Variants in KIAA1671 observed in about 807,000 individuals in gnomAD.
KIAA1671 encodes uncharacterized protein KIAA1671.
KIAA1671 carries 52 observed loss-of-function variants against 131.2 expected under a neutral mutation model. The observed-to-expected ratio is 0.40, with a 90% CI of 0.32 to 0.50. The LOEUF is 0.50. Among genes scored for constraint, KIAA1671 ranks in the 20% least tolerant of loss-of-function variants. The pLI, the probability that KIAA1671 is intolerant of heterozygous loss-of-function variation, is 0.73. For synonymous variants in KIAA1671, 1,003 were observed against 961.6 expected, an observed-to-expected ratio of 1.04 and a Z score of -0.80; for missense variants, 2,360 against 2,364.2, an observed-to-expected ratio of 1.00 and a Z score of 0.04.
rs973628479 is a variant in KIAA1671, at chr22:25,037,925, C to T, written c.1630-835C>T. ...CACGACCTCGGCTCACTGCAATCTCCGCCCTCCAGGTTCAAGCAATTCTCT... is the reference window on the plus strand; with the variant it reads ...CACGACCTCGGCTCACTGCAATCTCTGCCCTCCAGGTTCAAGCAATTCTCT... On this transcript the variant is annotated intron_variant, in intron 4 of 12. Coordinates refer to ENST00000358431, the MANE Select transcript of KIAA1671 (RefSeq NM_001145206.2). 5.9e-5 allele frequency among the ~76,000 whole-genome samples: 9 copies of T among 152,040 alleles called. No individual in the cohort carries two copies. In the South Asian group the frequency reaches 6.2e-4, roughly 11 times the overall value.
At chr22:25,002,394 T>C (rs1346963167) in intron 1 of KIAA1671, among the ~76,000 whole-genome samples, 1 of 152,102 alleles carries the variant, frequency 6.6e-6, no homozygotes, top group Non-Finnish European at 1.5e-5. Context: ...GGCAGGAAGC[T>C]ATATACAATG....
At chr22:25,127,369 A>T (rs945805051) in intron 6 of KIAA1671, among the ~76,000 whole-genome samples, 2 of 152,130 alleles carry the variant, frequency 1.3e-5, no homozygotes, top group Admixed American at 6.5e-5. Flanking sequence ...GTGTTTTAAG[A>T]GGGTTAAGCC....
At chr22:25,097,085 CAAGTCTTTGTA>C in intron 6 of KIAA1671, among the ~76,000 whole-genome samples, 1 of 152,184 alleles carries the variant, frequency 6.6e-6, no homozygotes, top group Non-Finnish European at 1.5e-5. Context: ...CATTCCTATA[CAAGTCTTTGTA>C]TGGACAAATG....
At chr22:24,985,400 T>A (rs1602045005) in intron 1 of KIAA1671, among the ~76,000 whole-genome samples, 1 of 151,068 alleles carries the variant, frequency 6.6e-6, no homozygotes, top group East Asian at 2.0e-4. Flanking sequence ...AGTGCAGTGG[T>A]GCGATCTCGG....
At chr22:25,169,060 G>A (rs1047069011) in intron 6 of KIAA1671, among the ~76,000 whole-genome samples, 10 of 152,040 alleles carry the variant, frequency 6.6e-5, no homozygotes, top group East Asian at 1.9e-4. Flanking sequence ...GATGAGCCCC[G>A]TTTGTCTTTC....
chr22:24,998,603 A>G (rs1924264887), intron 1 of KIAA1671, among the ~76,000 whole-genome samples: 1 of 150,718 alleles, frequency 6.6e-6, no homozygotes, highest in East Asian at 2.0e-4. Flanking sequence ...CTGTAGTCCC[A>G]GCTACTAGGG....
intron 1 of KIAA1671, among the ~76,000 whole-genome samples, chr22:24,969,522 G>A (rs572686944): frequency 6.6e-6 from 1 of 152,022 alleles, no homozygotes; most frequent in South Asian, 2.1e-4. Context: ...TTTTTCATCC[G>A]AGCTTGGTTG....
intron 1 of KIAA1671, among the ~76,000 whole-genome samples, chr22:24,959,384 G>A (rs374296509): frequency 6.6e-6 from 1 of 151,932 alleles, no homozygotes; most frequent in Non-Finnish European, 1.5e-5. Context: ...TTAGCTAGGC[G>A]TGATGGCAGT....
intron 6 of KIAA1671, among the ~76,000 whole-genome samples, chr22:25,127,308 C>G (rs1286668075): frequency 6.6e-6 from 1 of 152,224 alleles, no homozygotes; most frequent in Non-Finnish European, 1.5e-5. Flanking sequence ...AGCTTTTGCA[C>G]AAGCTGTTCC....
At chr22:25,073,786 T>TC (rs1396148642) in intron 6 of KIAA1671, among the ~76,000 whole-genome samples, 1 of 152,186 alleles carries the variant, frequency 6.6e-6, no homozygotes, top group East Asian at 1.9e-4. Context: ...AACCTCTGCC[T>TC]CCCAGGTTCA....
intron 1 of KIAA1671, among the ~76,000 whole-genome samples, chr22:24,995,114 G>C (rs1045310720): frequency 2.2e-4 from 32 of 144,786 alleles, no homozygotes; most frequent in African/African-American, 6.5e-4. Flanking sequence ...GCAGTGGCGC[G>C]ATCTCAGCTC....
intron 6 of KIAA1671, among the ~76,000 whole-genome samples, chr22:25,119,161 G>T (rs893980180): frequency 1.3e-5 from 2 of 152,144 alleles, no homozygotes; most frequent in African/African-American, 4.8e-5. Context: ...CAGAGTATCT[G>T]CCTTCCTGAA....
chr22:25,131,481 G>A (rs1188219147), intron 6 of KIAA1671, among the ~76,000 whole-genome samples: 5 of 152,206 alleles, frequency 3.3e-5, no homozygotes, highest in African/African-American at 4.8e-5. Flanking sequence ...CAGGTGGCAC[G>A]GGGCTGCTCA....
At chr22:25,124,294 C>A (rs1189471398) in intron 6 of KIAA1671, among the ~76,000 whole-genome samples, 3 of 152,220 alleles carry the variant, frequency 2.0e-5, no homozygotes, top group Non-Finnish European at 4.4e-5. Flanking sequence ...TCTCCAGCAT[C>A]AGTTTCTAGT....
At chr22:25,042,681 G>T (rs368890451) in intron 5 of KIAA1671, among the ~76,000 whole-genome samples, 9 of 151,582 alleles carry the variant, frequency 5.9e-5, no homozygotes, top group East Asian at 5.8e-4. Context: ...CACTATTTTG[G>T]CCAGGCCGGT....
intron 5 of KIAA1671, among the ~76,000 whole-genome samples, chr22:25,042,307 C>T (rs867396059): frequency 0.02 from 2,971 of 152,152 alleles, 104 homozygotes; most frequent in African/African-American, 0.068. Context: ...TGTATAATAG[C>T]CTGTTGTATC....
chr22:25,067,219 C>T (rs979956328), intron 6 of KIAA1671, among the ~76,000 whole-genome samples: 1 of 152,088 alleles, frequency 6.6e-6, no homozygotes, highest in African/African-American at 2.4e-5. Flanking sequence ...CCCACACCCC[C>T]CACCTGGTCC....
chr22:24,966,315 G>A (rs1313039095), intron 1 of KIAA1671, among the ~76,000 whole-genome samples: 1 of 152,206 alleles, frequency 6.6e-6, no homozygotes, highest in Non-Finnish European at 1.5e-5. Flanking sequence ...GGTCTGTAGG[G>A]CCTCCCTGCA....
At chr22:25,143,656 A>G (rs1205175892) in intron 6 of KIAA1671, among the ~76,000 whole-genome samples, 3 of 152,212 alleles carry the variant, frequency 2.0e-5, no homozygotes, top group Middle Eastern at 6.8e-3. Context: ...CCACCATCAC[A>G]TGCCCCTAAC....
Sources: allele counts gnomAD v4.1 joint callset (sites outside exome capture counted in the v4.1 genomes callset), GRCh38; gene constraint gnomAD v4.1.1; transcripts MANE v1.5; gene names NCBI Gene and HGNC (gene_info 2026-07-23, HGNC 2026-07-21).